PHF12: variants seen among roughly 807,000 people sequenced by gnomAD.
The protein encoded by PHF12 is PHD finger protein 12.
PHF12 carries 6 observed loss-of-function variants against 99.8 expected under a neutral mutation model. That is an observed-to-expected ratio of 0.06 (90% CI 0.03 to 0.12). The LOEUF is 0.12. Ranked by LOEUF, PHF12 falls within the 10% of genes least tolerant of loss-of-function variation. PHF12 has a pLI of 1.00. For synonymous variants in PHF12, 480 were observed against 514.9 expected (o/e 0.93, Z 0.92); for missense variants, 954 against 1,300.1 (o/e 0.73, Z 4.09).
intron 2 of PHF12, 98 bp from the exon 3 acceptor site, chr17:28,927,161 C>G: frequency 9.0e-7 from 1 of 1,116,572 alleles, no homozygotes; most frequent in Non-Finnish European, 1.3e-6. Context: ...CCTATTGTGG[C>G]CAGTCCTGCA....
At chr17:28,946,984 ATT>A (rs199531084) in intron 2 of PHF12, among the ~76,000 whole-genome samples, 1 of 147,584 alleles carries the variant, frequency 6.8e-6, no homozygotes, top group African/African-American at 2.5e-5. Context: ...TAATAGGACA[ATT>A]TTTTTTTTTT....
At position 28,920,261 on chromosome 17, in the gene PHF12, C is replaced by T. The variant is rs187298476; in HGVS notation, c.837-986G>A. 9.9e-4 allele frequency among the ~76,000 whole-genome samples: 150 copies of T among 152,274 alleles called. 1 individual carries two copies. The highest frequency in any genetic ancestry group is 3.5e-3 in the African/African-American group (147 of 41,558). ...TAGTTCCCTTTCCCTATACCTTTTG[C>T]TGTGAAACATTTCTTTTTGATAGTT... On this transcript the variant is annotated intron_variant, in intron 5 of 14. Transcript: ENST00000332830.
chr17:28,934,220 A>G (rs768623499), intron 2 of PHF12, among the ~76,000 whole-genome samples: 1 of 152,240 alleles, frequency 6.6e-6, no homozygotes, highest in Non-Finnish European at 1.5e-5. Flanking sequence ...TAATGAGAAC[A>G]TACATAATCA....
rs766735307 is a variant in PHF12 at position 28,906,536 on chromosome 17, G to A, written c.2681-19C>T. The stretch of plus-strand genomic sequence containing the variant: ...CGGCGCCCTGGGAAAAAGGGGGATG[G>A]TCACAGAAGAGGAACAGTGAGCAGC... On this transcript the variant is annotated intron_variant, in intron 14 of 14. Transcript: ENST00000332830. This position sits in a 1 kb window ranked among gnomAD's most constrained non-coding sequence, Gnocchi z 4.2. 9.5e-6 allele frequency: 15 copies of A among 1,582,360 alleles called. No individual in the cohort carries two copies. The highest frequency in any genetic ancestry group is 1.7e-5 in the Admixed American group (1 of 58,134).
At chr17:28,915,782 T>C (rs1464322897) in intron 7 of PHF12, among the ~76,000 whole-genome samples, 3 of 152,248 alleles carry the variant, frequency 2.0e-5, no homozygotes, top group Non-Finnish European at 4.4e-5. Context: ...TTCACCAATG[T>C]TCTATGGTGC....
Position 28,951,005 on chromosome 17 carries a change from A to AC in PHF12, c.-46dup. The AC allele has an allele frequency of 6.2e-7, 1 of 1,606,688 alleles. No homozygotes were observed. The highest frequency in any genetic ancestry group is 8.5e-7 in the Non-Finnish European group (1 of 1,175,512). ...GGTGCTCTCTGCTCCGGCCCCCCCA[A>AC]CCCCGGGGGGAGGGGGGAGGTGAGG... On this transcript the variant is annotated 5_prime_UTR_variant, in exon 1 of 15. Transcript: ENST00000332830.
chr17:28,930,369 C>G (rs757648545), intron 2 of PHF12, among the ~76,000 whole-genome samples: 57 of 152,188 alleles, frequency 3.7e-4, no homozygotes, highest in Admixed American at 8.5e-4. Flanking sequence ...CTTTGTACCT[C>G]CACACCCTGT....
At position 28,913,187 on chromosome 17, in the gene PHF12, C is replaced by G. The variant is rs1351183332; in HGVS notation, c.1384G>C (p.Glu462Gln). 6.2e-7 allele frequency: 1 copy of G among 1,614,190 alleles called. No individual in the cohort carries two copies. The highest frequency in any genetic ancestry group is 1.7e-5 in the Admixed American group (1 of 60,028). ...ATAACAGGCTTAATATCAGCCTTCT[C>G]TGTCTGTTCAGAGTCCCAATGCGAA... The part of the protein sequence containing the change: ...MPSHWDSEQT[E>Q]KADIKPVIVT... Residue 462 changes from glutamate (E) to glutamine (Q), a missense_variant, in exon 9 of 15, where the codon GAG becomes CAG. This residue lies in a region of PHF12 where 392 missense variants were observed against 423.1 expected (regional missense o/e 0.93). Transcript: ENST00000332830.
Position 28,951,058 on chromosome 17 carries a change from G to A in PHF12, c.-98C>T, listed in dbSNP as rs952436932. On this transcript the variant is annotated 5_prime_UTR_variant, in exon 1 of 15. Coordinates refer to ENST00000332830, the MANE Select transcript of PHF12 (RefSeq NM_001033561.2). ...AGGGGGCGCTCCTGACCCCGGCCCC[G>A]CTTTTTTCCCAATACGGGTCCCGAC... The A allele has an allele frequency of 7.6e-6, 12 of 1,579,824 alleles. No individual in the cohort carries two copies. The African/African-American group carries it at 1.2e-4, about 16-fold the overall frequency.
At chr17:28,936,305 A>G (rs1201132554) in intron 2 of PHF12, among the ~76,000 whole-genome samples, 1 of 152,172 alleles carries the variant, frequency 6.6e-6, no homozygotes, top group East Asian at 1.9e-4. Flanking sequence ...TCAGTCTGGA[A>G]TTGGAGGGGA....
chr17:28,935,717 C>T (rs1271882392), intron 2 of PHF12, among the ~76,000 whole-genome samples: 3 of 152,152 alleles, frequency 2.0e-5, no homozygotes, highest in Non-Finnish European at 4.4e-5. Context: ...CTCTGTGAGG[C>T]CTAGAGGGCC....
chr17:28,909,818 T>C, intron 11 of PHF12: 1 of 531,048 alleles, frequency 1.9e-6, no homozygotes. Context: ...CTCCAACTCC[T>C]GGGCTCAAGT....
chr17:28,913,997 G>T lies in PHF12; in HGVS notation c.1175C>A (p.Pro392His), dbSNP rs761331018. 6.2e-7 allele frequency: 1 copy of T among 1,613,400 alleles called. No homozygotes were observed. The highest frequency in any genetic ancestry group is 8.5e-7 in the Non-Finnish European group (1 of 1,179,494). Reference protein sequence around the residue: ...AIKSQYQFPPPLIAPAAIRDG... With the variant: ...AIKSQYQFPPHLIAPAAIRDG... Reference sequence around the variant, plus strand: ...CCGAATGGCCGCGGGTGCAATGAGAGGGGGTGGAAACTGGTACTGAGATTT... The same window carrying T: ...CCGAATGGCCGCGGGTGCAATGAGATGGGGTGGAAACTGGTACTGAGATTT... Residue 392 changes from proline to histidine, a missense_variant, in exon 8 of 15, where the codon CCT becomes CAT. This residue lies in a region of PHF12 where 392 missense variants were observed against 423.1 expected (regional missense o/e 0.93). Coordinates refer to ENST00000332830, the MANE Select transcript of PHF12 (RefSeq NM_001033561.2).
At chr17:28,932,927 C>CAGA (rs71359265) in intron 2 of PHF12, among the ~76,000 whole-genome samples, 23,603 of 152,040 alleles carry the variant, frequency 0.16, 2,037 homozygotes, top group South Asian at 0.25. Context: ...GCCTGGGTGA[C>CAGA]AGGAGATTCT....
chr17:28,912,312 G>T (rs2049283882), intron 9 of PHF12, 170 bp downstream of exon 9: 1 of 1,398,790 alleles, frequency 7.1e-7, no homozygotes, highest in African/African-American at 1.5e-5. Flanking sequence ...TTATAAACGG[G>T]ACAAGTTAAC....
Position 28,951,160 on chromosome 17 carries a change from G to C in PHF12, c.-200C>G, listed in dbSNP as rs1333596545. On this transcript the variant is annotated 5_prime_UTR_variant, in exon 1 of 15. Coordinates refer to ENST00000332830, the MANE Select transcript of PHF12 (RefSeq NM_001033561.2). ...AGCGTCCTCCCGACGGGCCGCGAGG[G>C]GGGAGCGGCCCCTCAGTCCCGGCCC... The C allele has an allele frequency of 4.9e-6, 7 of 1,428,070 alleles. No individual in the cohort carries two copies. Among genetic ancestry groups the C allele is most frequent in the Non-Finnish European group, 6.4e-6 (7 of 1,095,858 alleles). The allele number at this position is 1,428,070 out of a possible 1,614,324, so 88.5% of individuals were successfully genotyped here.
In PHF12 at chr17:28,913,811, T is replaced by A. The variant is rs1301171305; in HGVS notation, c.1293+68A>T. On this transcript the variant is annotated intron_variant, in intron 8 of 14. Transcript: ENST00000332830. ...GGAATGAGAATGACACTGAGGCTAC[T>A]TCTGATAACAGCTGTGGTGACACAG... is the stretch of plus-strand genomic sequence containing the variant. 2.8e-5 allele frequency: 43 copies of A among 1,547,908 alleles called. 1 individual carries two copies. The Admixed American group carries it at 7.6e-4, about 27-fold the overall frequency.
At chr17:28,951,495 GGCGCCCCGGGATCGGCGCTCGCCGC>G in exon 1 of PHF12, 1 of 985,440 alleles carries the variant, frequency 1.0e-6, no homozygotes, top group Non-Finnish European at 1.2e-6. Context: ...CACCCGCGCA[GGCGCCCCGGGATCGGCGCTCGCCGC>G]GCGCAACCGC....
intron 7 of PHF12, 127 bp from the exon 8 acceptor site, chr17:28,914,164 T>C: frequency 9.2e-7 from 1 of 1,081,986 alleles, no homozygotes; most frequent in Non-Finnish European, 1.3e-6. Context: ...TGGGGTCTGC[T>C]GAGGAAAAGG....
Sources: gnomAD v4.1 joint callset for allele counts (sites outside exome capture counted in the v4.1 genomes callset) on GRCh38, gnomAD v4.1.1 for gene constraint, gnomAD v4.1.1 regional missense constraint, Gnocchi (gnomAD v3.1) non-coding constraint, MANE v1.5 for transcripts, NCBI Gene and HGNC (gene_info 2026-07-23, HGNC 2026-07-21) for gene names.